USP22: variants seen among roughly 807,000 people sequenced by gnomAD.
USP22 encodes ubiquitin carboxyl-terminal hydrolase 22.
A neutral mutation model predicts 68.1 loss-of-function variants in USP22; 22 were observed. The ratio of observed to expected loss-of-function variants is 0.32; its 90% CI spans 0.23 to 0.46. USP22 has a LOEUF of 0.46. Among genes scored for constraint, USP22 ranks in the 20% least tolerant of loss-of-function variants. The pLI, the probability that USP22 is intolerant of heterozygous loss-of-function variation, is 1.00. For synonymous variants in USP22, 279 were observed against 274.2 expected (o/e 1.02, Z -0.17); for missense variants, 433 against 695.8 (o/e 0.62, Z 4.25).
At chr17:21,038,229 T>C (rs904838236) in intron 1 of USP22, among the ~76,000 whole-genome samples, 1 of 150,662 alleles carries the variant, frequency 6.6e-6, no homozygotes, top group African/African-American at 2.4e-5. Flanking sequence ...ACTCAGTCTT[T>C]TATTTTTTTT....
At chr17:21,008,951 C>T (rs1354320800) in intron 8 of USP22, among the ~76,000 whole-genome samples, 4 of 151,850 alleles carry the variant, frequency 2.6e-5, no homozygotes, top group East Asian at 1.9e-4. Context: ...ATTAGCCGGG[C>T]GAGGTGGTGC....
intron 4 of USP22, chr17:21,018,448 G>T: frequency 5.3e-6 from 1 of 189,596 alleles, no homozygotes; most frequent in Non-Finnish European, 1.1e-5. Context: ...CAGGGCAGGG[G>T]CTCATACTTG....
intron 1 of USP22, among the ~76,000 whole-genome samples, chr17:21,031,049 T>C (rs750209277): frequency 6.6e-6 from 1 of 152,236 alleles, no homozygotes; most frequent in African/African-American, 2.4e-5. Context: ...AAGCTAACAA[T>C]TGATGAATCC....
intron 6 of USP22, among the ~76,000 whole-genome samples, chr17:21,013,541 G>A (rs557313761): frequency 1.2e-4 from 19 of 152,322 alleles, no homozygotes; most frequent in African/African-American, 3.6e-4. Flanking sequence ...AACTTAATTC[G>A]TGTGTGGAAT....
Position 21,002,953 on chromosome 17 carries a change from A to C in USP22, c.*78T>G. On this transcript the variant is annotated 3_prime_UTR_variant, in exon 13 of 13. Transcript: ENST00000261497. ...GGGGAGGCGGCGGGAGACTTGGGGG[A>C]GGGGGGGGCCAGGGAGGATCACTTT... 8.1e-6 allele frequency: 12 copies of C among 1,480,716 alleles called. No individual in the cohort carries two copies. The African/African-American group carries it at 8.5e-5, about 11-fold the overall frequency. The allele number at this position is 1,480,716 out of a possible 1,614,324, so 91.7% of individuals were successfully genotyped here. A position where few individuals can be genotyped will look rare whatever the true frequency, so the allele number is the denominator to read the frequency against.
chr17:21,031,559 T>C (rs1972291564), intron 1 of USP22, among the ~76,000 whole-genome samples: 1 of 150,258 alleles, frequency 6.7e-6, no homozygotes, highest in African/African-American at 2.5e-5. Flanking sequence ...CTACACAACC[T>C]AGGACTGTGC....
chr17:21,043,142 G>GCCCCC (rs1972469695), upstream of USP22: 1 of 41,324 alleles, frequency 2.4e-5, no homozygotes, highest in African/African-American at 1.5e-4. Flanking sequence ...CCCCCTCCCG[G>GCCCCC]CCGGCACCGC....
intron 6 of USP22, 42 bp from the exon 7 acceptor site, chr17:21,012,977 T>C: frequency 6.3e-7 from 1 of 1,588,436 alleles, no homozygotes; most frequent in South Asian, 1.1e-5. Context: ...TCTCCCCAAA[T>C]ATGGGGAGTC....
chr17:21,042,351 G>A (rs1972446550), intron 1 of USP22: 2 of 187,918 alleles, frequency 1.1e-5, no homozygotes, highest in Non-Finnish European at 2.2e-5. Context: ...GGGGAGGGCG[G>A]AGAGAAAGGA....
chr17:21,013,871 G>A (rs1026735231), intron 6 of USP22, among the ~76,000 whole-genome samples: 3 of 152,192 alleles, frequency 2.0e-5, no homozygotes, highest in Non-Finnish European at 2.9e-5. Context: ...TTAGGAGACC[G>A]AGACCATCCT....
chr17:21,018,969 GAC>G lies in USP22; in HGVS notation c.520+113_520+114del, dbSNP rs1478576804. 4 of 1,066,218 alleles carry G rather than the reference GAC, an allele frequency of 3.8e-6. No homozygotes were observed. The African/African-American group carries it at 6.3e-5, about 17-fold the overall frequency. The allele number at this position is 1,066,218 out of a possible 1,614,324, so 66.0% of individuals were successfully genotyped here. Reference sequence around the variant, plus strand: ...CTGGTTGCTGAGCACATTGATGAGTGACAGTTATGCAGGGCTTCAACAGAATC... The same window carrying G: ...CTGGTTGCTGAGCACATTGATGAGTGAGTTATGCAGGGCTTCAACAGAATC... On this transcript the variant is annotated intron_variant, in intron 4 of 12. Coordinates refer to ENST00000261497, the MANE Select transcript of USP22 (RefSeq NM_015276.2).
intron 4 of USP22, among the ~76,000 whole-genome samples, chr17:21,018,776 T>C (rs1972119525): frequency 6.6e-6 from 1 of 152,164 alleles, no homozygotes; most frequent in Admixed American, 6.5e-5. Flanking sequence ...CTCACACACA[T>C]CATTTCTCTC....
rs1427147862 is a variant in USP22, at chr17:21,002,928, G to A, written c.*103C>T. Reference sequence around the variant, plus strand: ...GCATGGGAGGTGGTGTCACCAGGCCGGGGAGGCGGCGGGAGACTTGGGGGA... The same window carrying A: ...GCATGGGAGGTGGTGTCACCAGGCCAGGGAGGCGGCGGGAGACTTGGGGGA... On this transcript the variant is annotated 3_prime_UTR_variant, in exon 13 of 13. Coordinates refer to ENST00000261497, the MANE Select transcript of USP22 (RefSeq NM_015276.2). 14 of 1,425,208 alleles carry A rather than the reference G, an allele frequency of 9.8e-6. No individual in the cohort carries two copies. Among genetic ancestry groups the A allele is most frequent in the Admixed American group, 6.8e-5 (4 of 58,772 alleles). The allele number at this position is 1,425,208 out of a possible 1,614,324, so 88.3% of individuals were successfully genotyped here. A position where few individuals can be genotyped will look rare whatever the true frequency, so the allele number is the denominator to read the frequency against.
intron 10 of USP22, 110 bp downstream of exon 10, chr17:21,006,786 A>T: frequency 2.5e-6 from 2 of 813,408 alleles, no homozygotes; most frequent in African/African-American, 1.8e-5. Flanking sequence ...TACAGGCGGG[A>T]GCCACTGCAC....
chr17:21,042,954 C>G lies in USP22; in HGVS notation c.-119G>C, dbSNP rs1267722298. 3.4e-6 allele frequency: 2 copies of G among 589,718 alleles called. No homozygotes were observed. Among genetic ancestry groups the G allele is most frequent in the Non-Finnish European group, 2.4e-6 (1 of 415,892 alleles). The allele number at this position is 589,718 out of a possible 1,614,324, so 36.5% of individuals were successfully genotyped here. A position where few individuals can be genotyped will look rare whatever the true frequency, so the allele number is the denominator to read the frequency against. ...CTGGCCAAGGCCCGGGCGCCGAGAA[C>G]AAAGCGCGGAGGCCGGACAAAGATG... On this transcript the variant is annotated 5_prime_UTR_variant, in exon 1 of 13. Coordinates refer to ENST00000261497, the MANE Select transcript of USP22 (RefSeq NM_015276.2).
intron 2 of USP22, among the ~76,000 whole-genome samples, chr17:21,024,655 C>G (rs1019852111): frequency 6.6e-6 from 1 of 152,256 alleles, no homozygotes; most frequent in Middle Eastern, 3.4e-3. Context: ...TGACACAAAA[C>G]CATCAGCAAC....
intron 8 of USP22, among the ~76,000 whole-genome samples, chr17:21,009,022 T>C (rs1233893086): frequency 1.5e-5 from 2 of 135,944 alleles, no homozygotes; most frequent in South Asian, 4.5e-4. Context: ...ACCTGGGAGA[T>C]GGAGGTTGCA....
At chr17:21,024,708 C>T (rs568526563) in intron 2 of USP22, among the ~76,000 whole-genome samples, 23 of 152,328 alleles carry the variant, frequency 1.5e-4, no homozygotes, top group African/African-American at 5.3e-4. Context: ...CAGCTCACAC[C>T]TGGAATCCCA....
rs2143574129 is a variant in USP22, at chr17:21,019,070, C to A, written c.520+14G>T. On this transcript the variant is annotated intron_variant, in intron 4 of 12. Transcript: ENST00000261497. ...AAAGAAGCCTAGCTGAGAGTGACGA[C>A]ACGCTCCACCCACCTATGGTGCAGT... 1.9e-6 allele frequency: 3 copies of A among 1,613,592 alleles called. No homozygotes were observed. The East Asian group carries it at 6.7e-5, about 36-fold the overall frequency.
Sources: allele counts gnomAD v4.1 joint callset (sites outside exome capture counted in the v4.1 genomes callset), GRCh38; gene constraint gnomAD v4.1.1; transcripts MANE v1.5; gene names NCBI Gene and HGNC (gene_info 2026-07-23, HGNC 2026-07-21).